BCAP29: variants seen among roughly 807,000 people sequenced by gnomAD.
BCAP29 encodes the protein B cell receptor associated protein 29, also known as B-cell receptor-associated protein 29.
In BCAP29, 34 loss-of-function variants were observed where a neutral mutation model predicts 31.8. The observed-to-expected ratio is 1.07, with a 90% CI of 0.81 to 1.42. The LOEUF (loss-of-function observed/expected upper bound fraction) is 1.42. Among genes scored for constraint, BCAP29 ranks in the 40% most tolerant of loss-of-function variants. The probability of loss-of-function intolerance (pLI) is 0.00; values close to 1 mark genes in which losing one functional copy is unlikely to be tolerated. For missense variants in BCAP29, 314 were observed against 269.2 expected, an observed-to-expected ratio of 1.17 and a Z score of -1.16; for synonymous variants, 104 against 91.3, an observed-to-expected ratio of 1.14 and a Z score of -0.79.
At chr7:107,610,073 A>T (rs1409461631) in intron 6 of BCAP29, among the ~76,000 whole-genome samples, 1 of 152,242 alleles carries the variant, frequency 6.6e-6, no homozygotes, top group African/African-American at 2.4e-5. Context: ...TTTTGCAAAT[A>T]GTTCCGTAAG....
chr7:107,586,886 C>A (rs1807802418), intron 3 of BCAP29, among the ~76,000 whole-genome samples: 1 of 151,854 alleles, frequency 6.6e-6, no homozygotes, highest in African/African-American at 2.4e-5. Flanking sequence ...AGCCACCAAC[C>A]CCTGGCTAAT....
chr7:107,599,021 A>ATATAT (rs1563133563), intron 5 of BCAP29, among the ~76,000 whole-genome samples: 1 of 138,276 alleles, frequency 7.2e-6, no homozygotes. Flanking sequence ...TTATATATAT[A>ATATAT]AATTTATATT....
At chr7:107,601,557 G>A (rs1401149278) in intron 6 of BCAP29, among the ~76,000 whole-genome samples, 2 of 152,142 alleles carry the variant, frequency 1.3e-5, no homozygotes, top group Non-Finnish European at 2.9e-5. Context: ...AGTTGGCATA[G>A]TATAGCCCAA....
At chr7:107,585,846 C>G (rs1210663702) in intron 3 of BCAP29, among the ~76,000 whole-genome samples, 1 of 152,070 alleles carries the variant, frequency 6.6e-6, no homozygotes, top group Non-Finnish European at 1.5e-5. Context: ...CAAAAATTAG[C>G]CGGGCATGGG....
intron 6 of BCAP29, among the ~76,000 whole-genome samples, chr7:107,602,149 A>C (rs1421298988): frequency 6.6e-6 from 1 of 152,234 alleles, no homozygotes; most frequent in Non-Finnish European, 1.5e-5. Context: ...CTGCAGAGCT[A>C]CTTTCAAAGT....
chr7:107,580,766 GA>G lies in BCAP29; in HGVS notation c.1del. On this transcript the variant is annotated 5_prime_UTR_variant, in exon 2 of 8. Transcript: ENST00000005259. ...AAGTGTTTTTCCATTTAGGTGTGAA[GA>G]AAAAAATGACACTCCAATGGGCTGC... 5.0e-6 allele frequency: 8 copies of G among 1,591,560 alleles called. No homozygotes were observed. The East Asian group carries it at 7.0e-5, about 14-fold the overall frequency.
chr7:107,599,295 A>AATATATATAATTT (rs1810648123), intron 5 of BCAP29, among the ~76,000 whole-genome samples: 2 of 23,382 alleles, frequency 8.6e-5, no homozygotes, highest in Admixed American at 9.3e-4. Context: ...TTATATATAA[A>AATATATATAATTT]TTATATATAA....
intron 3 of BCAP29, among the ~76,000 whole-genome samples, chr7:107,592,544 CAT>C (rs1809066092): frequency 6.6e-6 from 1 of 152,144 alleles, no homozygotes; most frequent in Non-Finnish European, 1.5e-5. Flanking sequence ...AAAAATTAAA[CAT>C]AGAGTTACCA....
At chr7:107,613,297 C>A in intron 6 of BCAP29, 35 bp from the exon 7 acceptor site, 1 of 1,488,206 alleles carries the variant, frequency 6.7e-7, no homozygotes, top group Non-Finnish European at 9.3e-7. Context: ...TGAAATTATT[C>A]TGAAATAAAA....
At chr7:107,613,802 C>A in intron 7 of BCAP29, 1 of 1,128,402 alleles carries the variant, frequency 8.9e-7, no homozygotes, top group Non-Finnish European at 1.3e-6. Context: ...AGTTCCACAT[C>A]ACACTACTCT....
intron 3 of BCAP29, among the ~76,000 whole-genome samples, chr7:107,590,751 C>T (rs1055922452): frequency 2.0e-5 from 3 of 149,672 alleles, no homozygotes; most frequent in Non-Finnish European, 4.4e-5. Context: ...CCCAAGAGGT[C>T]AAGGCTGCAG....
rs1554473502 is a variant in BCAP29, at chr7:107,583,910, T to TG, written c.125dup (p.Lys43Ter). 7.0e-6 allele frequency: 11 copies of TG among 1,581,174 alleles called. No homozygotes were observed. The highest frequency in any genetic ancestry group is 9.5e-6 in the Non-Finnish European group (11 of 1,162,212). ...GCAGAAGATTTTTTCATTTAATGTCTGGGGTAAAATTGCAACTTTTTGGAA... is the reference window on the plus strand; with the variant it reads ...GCAGAAGATTTTTTCATTTAATGTCTGGGGGTAAAATTGCAACTTTTTGGAA... On this transcript the variant is annotated frameshift_variant, in exon 3 of 8. Coordinates refer to ENST00000005259, the MANE Select transcript of BCAP29 (RefSeq NM_018844.4). LOFTEE classifies it high-confidence loss of function.
At chr7:107,584,875 G>T (rs1222390752) in intron 3 of BCAP29, among the ~76,000 whole-genome samples, 2 of 152,090 alleles carry the variant, frequency 1.3e-5, no homozygotes, top group African/African-American at 4.8e-5. Flanking sequence ...ACCTATTTTT[G>T]TAAATAAAGT....
chr7:107,617,028 C>G (rs913923761), intron 7 of BCAP29, among the ~76,000 whole-genome samples: 1 of 152,148 alleles, frequency 6.6e-6, no homozygotes, highest in African/African-American at 2.4e-5. Flanking sequence ...CTCGAGCCAC[C>G]GTGCCCAGCC....
chr7:107,586,935 T>G (rs115304705), intron 3 of BCAP29, among the ~76,000 whole-genome samples: 3,576 of 151,986 alleles, frequency 0.024, 146 homozygotes, highest in African/African-American at 0.081. Flanking sequence ...TTGTCATGTT[T>G]CCCAGGCTGG....
Position 107,618,320 on chromosome 7 carries a change from C to T in BCAP29, c.691-8C>T. On this transcript the variant is annotated splice_polypyrimidine_tract_variant and splice_region_variant and intron_variant, in intron 7 of 7. Coordinates refer to ENST00000005259, the MANE Select transcript of BCAP29 (RefSeq NM_018844.4). Reference sequence around the variant, plus strand: ...TGTACTACATAAATCATATTTTTTTCCTTACAGGATCGTTTAGAAAGAGGC... The same window carrying T: ...TGTACTACATAAATCATATTTTTTTTCTTACAGGATCGTTTAGAAAGAGGC... 2 of 1,548,640 alleles carry T rather than the reference C, an allele frequency of 1.3e-6. No individual in the cohort carries two copies. Among genetic ancestry groups the T allele is most frequent in the Non-Finnish European group, 1.7e-6 (2 of 1,147,296 alleles).
At chr7:107,585,586 C>G (rs556897287) in intron 3 of BCAP29, among the ~76,000 whole-genome samples, 1 of 152,136 alleles carries the variant, frequency 6.6e-6, no homozygotes, top group Non-Finnish European at 1.5e-5. Context: ...CTCTGCAGCT[C>G]CTGATTTTAT....
chr7:107,616,582 A>G (rs1463068500), intron 7 of BCAP29, among the ~76,000 whole-genome samples: 1 of 152,222 alleles, frequency 6.6e-6, no homozygotes. Flanking sequence ...CAGATCCTGT[A>G]TAAGAAAGCA....
chr7:107,620,845 C>CA (rs1814898164), downstream of BCAP29: 1 of 152,206 alleles, frequency 6.6e-6, no homozygotes, highest in African/African-American at 2.4e-5. Flanking sequence ...CTTTCAGTGA[C>CA]AGAGTCCTGC....
Sources: allele counts gnomAD v4.1 joint callset (sites outside exome capture counted in the v4.1 genomes callset), GRCh38; gene constraint gnomAD v4.1.1; transcripts MANE v1.5; gene names NCBI Gene and HGNC (gene_info 2026-07-23, HGNC 2026-07-21).